Variants in TLR4 observed in about 807,000 individuals in gnomAD.
TLR4 encodes the protein toll-like receptor 4.
TLR4 carries 17 observed loss-of-function variants against 27.4 expected under a neutral mutation model. The ratio of observed to expected loss-of-function variants is 0.62; its 90% confidence interval spans 0.42 to 0.93. TLR4 has a LOEUF of 0.93. Ranked by LOEUF, TLR4 falls within the 40% of genes least tolerant of loss-of-function variation. The pLI is 0.00. For missense variants in TLR4, 926 were observed against 962.3 expected (o/e 0.96, Z 0.50); for synonymous variants, 363 against 365.7 (o/e 0.99, Z 0.08).
At position 117,715,339 on chromosome 9, in the gene TLR4, G is replaced by A. The variant is rs554306570; in HGVS notation, c.*691G>A. 1 of 152,302 alleles carries A rather than the reference G, an allele frequency of 6.6e-6. No homozygotes were observed. Among genetic ancestry groups the A allele is most frequent in the Non-Finnish European group, 1.5e-5 (1 of 68,100 alleles). 9.4% of individuals were successfully genotyped at this position (152,302 alleles called of 1,614,324 possible). Reference sequence around the variant, plus strand: ...ATAAGCTAATATCATAAATAAGGTTGTTTAAGACGTGCTTCAAATATCCAT... The same window carrying A: ...ATAAGCTAATATCATAAATAAGGTTATTTAAGACGTGCTTCAAATATCCAT... On this transcript the variant is annotated 3_prime_UTR_variant, in exon 3 of 3. Coordinates refer to ENST00000355622, the MANE Select transcript of TLR4 (RefSeq NM_138554.5).
In TLR4 at chr9:117,719,643, C is replaced by T. The variant is rs1196754835; in HGVS notation, c.*4995C>T. ...TAGATGATGGCCTTTCTTTGAACAA[C>T]ATGCCTAGGGTTGCTCTATCATGTC... On this transcript the variant is annotated 3_prime_UTR_variant, in exon 3 of 3. Transcript: ENST00000355622. The T allele has an allele frequency of 6.6e-6, 1 of 152,046 alleles. No individual in the cohort carries two copies. The highest frequency in any genetic ancestry group is 1.5e-5 in the Non-Finnish European group (1 of 68,024). 9.4% of individuals were successfully genotyped at this position (152,046 alleles called of 1,614,324 possible).
At chr9:117,707,553 C>T (rs1277556397) in intron 1 of TLR4, among the ~76,000 whole-genome samples, 2 of 152,126 alleles carry the variant, frequency 1.3e-5, no homozygotes, top group Non-Finnish European at 2.9e-5. Context: ...CTGGCTTCTG[C>T]AAGGAATTTT....
In TLR4 at chr9:117,705,794, T is replaced by C. The variant is rs115809387; in HGVS notation, c.93+1229T>C. On this transcript the variant is annotated intron_variant, in intron 1 of 2. Coordinates refer to ENST00000355622, the MANE Select transcript of TLR4 (RefSeq NM_138554.5). ...TTTCCTTAGGCTTCAATCTAACAAA[T>C]TACTCTCCTTAAAAACTTTTAATAA... Among the ~76,000 whole-genome samples, 999 of 152,302 alleles carry C rather than the reference T, an allele frequency of 6.6e-3. 6 individuals are homozygous for C. The highest frequency in any genetic ancestry group is 0.023 in the African/African-American group (942 of 41,554).
chr9:117,708,467 A>G, intron 1 of TLR4, 96 bp from the exon 2 acceptor site: 3 of 1,602,252 alleles, frequency 1.9e-6, no homozygotes, highest in East Asian at 2.3e-5. Context: ...TTGTGCTTGC[A>G]CAAAAAGAGG....
intron 2 of TLR4, among the ~76,000 whole-genome samples, chr9:117,711,650 G>C (rs540292836): frequency 1.3e-5 from 2 of 152,060 alleles, no homozygotes; most frequent in East Asian, 1.9e-4. Context: ...TGTGTTTGCT[G>C]TTCACTTCAC....
At chr9:117,711,513 A>G (rs1195550926) in intron 2 of TLR4, among the ~76,000 whole-genome samples, 3 of 152,118 alleles carry the variant, frequency 2.0e-5, no homozygotes, top group African/African-American at 7.2e-5. Flanking sequence ...CCTCTGCCTA[A>G]TTGGGAACCT....
chr9:117,712,808 G>A lies in TLR4; in HGVS notation c.680G>A (p.Arg227Lys). ...CAACCAGGTGCATTTAAAGAAATTA[G>A]GCTTCATAAGCTGACTTTAAGAAAT... is the stretch of plus-strand genomic sequence containing the variant. ...FIQPGAFKEI[R>K]LHKLTLRNNF... is the part of the protein sequence containing the mutation. Residue 227 changes from arginine to lysine, a missense_variant, in exon 3 of 3, where the codon AGG (arginine) becomes AAG (lysine). Arg to Lys is a conservative substitution (Grantham distance 26). Coordinates refer to ENST00000355622, the MANE Select transcript of TLR4 (RefSeq NM_138554.5). The A allele has an allele frequency of 6.2e-7, 1 of 1,613,928 alleles. No individual in the cohort carries two copies. The highest frequency in any genetic ancestry group is 1.7e-5 in the Admixed American group (1 of 59,984).
At chr9:117,709,644 A>G (rs941469424) in intron 2 of TLR4, among the ~76,000 whole-genome samples, 3 of 152,212 alleles carry the variant, frequency 2.0e-5, no homozygotes, top group Admixed American at 2.0e-4. Context: ...AAAACATTTC[A>G]AAACATTTTA....
Position 117,721,317 on chromosome 9 carries a change from A to G in TLR4, c.*6669A>G, listed in dbSNP as rs1829420636. ...ATTATTTAGTTTCCACTCATAAGTG[A>G]GAGCATGGATGGAACTGGAGAAGAG... On this transcript the variant is annotated 3_prime_UTR_variant, in exon 3 of 3. Transcript: ENST00000355622. 6.6e-6 allele frequency: 1 copy of G among 152,228 alleles called. No individual in the cohort carries two copies. Among genetic ancestry groups the G allele is most frequent in the African/African-American group, 2.4e-5 (1 of 41,436 alleles). 9.4% of individuals were successfully genotyped at this position (152,228 alleles called of 1,614,324 possible).
In TLR4 at chr9:117,719,494, TAAAC is replaced by T. The variant is rs1483358464; in HGVS notation, c.*4850_*4853del. 4 of 152,178 alleles carry T rather than the reference TAAAC, an allele frequency of 2.6e-5. No individual in the cohort carries two copies. The East Asian group carries it at 5.8e-4, about 22-fold the overall frequency. 9.4% of individuals were successfully genotyped at this position (152,178 alleles called of 1,614,324 possible). A position where few individuals can be genotyped will look rare whatever the true frequency, so the allele number is the denominator to read the frequency against. ...TCACCATTATAATTTTGACTGATAT[TAAAC>T]AAAGAGAAGTATTATTATTATTACT... On this transcript the variant is annotated 3_prime_UTR_variant, in exon 3 of 3. Transcript: ENST00000355622.
At position 117,712,679 on chromosome 9, in the gene TLR4, G is replaced by A; in HGVS notation, c.551G>A (p.Ser184Asn). 1 of 1,614,038 alleles carries A rather than the reference G, an allele frequency of 6.2e-7. No individual in the cohort carries two copies. Among genetic ancestry groups the A allele is most frequent in the Non-Finnish European group, 8.5e-7 (1 of 1,179,978 alleles). The change falls in exon 3 of 3, where the codon AGC (serine) becomes AAC (asparagine). Residue 184 changes from serine to asparagine, a missense_variant. Ser to Asn is a conservative substitution (Grantham distance 46). Transcript: ENST00000355622. ...LTNLEHLDLS[S>N]NKIQSIYCTD... ...AATCTAGAGCACTTGGACCTTTCCAGCAACAAGATTCAAAGTATTTATTGC... is the reference window on the plus strand; with the variant it reads ...AATCTAGAGCACTTGGACCTTTCCAACAACAAGATTCAAAGTATTTATTGC...
chr9:117,713,718 C>T lies in TLR4; in HGVS notation c.1590C>T (p.Asn530=), dbSNP rs1337019634. The change falls in exon 3 of 3, where the codon AAC becomes AAT. Residue 530 remains asparagine (N), a synonymous_variant. Transcript: ENST00000355622. Reference sequence around the variant, plus strand: ...TTCAGGTACTAAATATGAGCCACAACAACTTCTTTTCATTGGATACGTTTC... The same window carrying T: ...TTCAGGTACTAAATATGAGCCACAATAACTTCTTTTCATTGGATACGTTTC... ...SSLQVLNMSH[N]NFFSLDTFPY... The T allele has an allele frequency of 6.2e-7, 1 of 1,614,048 alleles. No individual in the cohort carries two copies. Among genetic ancestry groups the T allele is most frequent in the East Asian group, 2.2e-5 (1 of 44,870 alleles).
rs1052287447 is a variant in TLR4 at position 117,714,796 on chromosome 9, T to C, written c.*148T>C. On this transcript the variant is annotated 3_prime_UTR_variant, in exon 3 of 3. Transcript: ENST00000355622. ...TGCACTAGATATGCAGGGCTGCTAA[T>C]CTCAAGGAGCTTCCAGTGCAGAGGG... 6.8e-6 allele frequency: 5 copies of C among 736,738 alleles called. No individual in the cohort carries two copies. The highest frequency in any genetic ancestry group is 1.2e-5 in the Non-Finnish European group (5 of 425,254). The allele number at this position is 736,738 out of a possible 1,614,324, so 45.6% of individuals were successfully genotyped here. A position where few individuals can be genotyped will look rare whatever the true frequency, so the allele number is the denominator to read the frequency against.
rs1052554898 is a variant in TLR4 at position 117,724,673 on chromosome 9, T to C, written c.*10025T>C. Reference sequence around the variant, plus strand: ...GCTTAAAATGGGGATAATATCTACCTCTCAGTTTTGTTGGCAGTTCAGTAC... The same window carrying C: ...GCTTAAAATGGGGATAATATCTACCCCTCAGTTTTGTTGGCAGTTCAGTAC... On this transcript the variant is annotated 3_prime_UTR_variant, in exon 3 of 3. Coordinates refer to ENST00000355622, the MANE Select transcript of TLR4 (RefSeq NM_138554.5). 2 of 152,174 alleles carry C rather than the reference T, an allele frequency of 1.3e-5. No individual in the cohort carries two copies. The highest frequency in any genetic ancestry group is 4.8e-5 in the African/African-American group (2 of 41,424). The allele number at this position is 152,174 out of a possible 1,614,324, so 9.4% of individuals were successfully genotyped here. A position where few individuals can be genotyped will look rare whatever the true frequency, so the allele number is the denominator to read the frequency against.
rs2131181416 is a variant in TLR4, at chr9:117,722,072, A to G, written c.*7424A>G. The G allele has an allele frequency of 6.6e-6, 1 of 152,294 alleles. No individual in the cohort carries two copies. The highest frequency in any genetic ancestry group is 2.4e-5 in the African/African-American group (1 of 41,570). The allele number at this position is 152,294 out of a possible 1,614,324, so 9.4% of individuals were successfully genotyped here. ...CCTGGGTAGCTGAGACCCCACATAA[A>G]TATATACCAGAAAAATGTTGTGGTC... On this transcript the variant is annotated 3_prime_UTR_variant, in exon 3 of 3. Coordinates refer to ENST00000355622, the MANE Select transcript of TLR4 (RefSeq NM_138554.5).
At chr9:117,709,695 C>T (rs1564263988) in intron 2 of TLR4, among the ~76,000 whole-genome samples, 1 of 152,042 alleles carries the variant, frequency 6.6e-6, no homozygotes, top group Non-Finnish European at 1.5e-5. Flanking sequence ...AGACTAAGGT[C>T]ACAGTATAAA....
At position 117,713,974 on chromosome 9, in the gene TLR4, C is replaced by T. The variant is rs1056744559; in HGVS notation, c.1846C>T (p.Gln616Ter). The change falls in exon 3 of 3, where the codon CAG becomes TAG. Residue 616 changes from glutamine to a stop codon, truncating the protein, a stop_gained. Coordinates refer to ENST00000355622, the MANE Select transcript of TLR4 (RefSeq NM_138554.5). LOFTEE classifies it high-confidence loss of function. Reference sequence around the variant, plus strand: ...GGAATGTGCAACACCTTCAGATAAGCAGGGCATGCCTGTGCTGAGTTTGAA... The same window carrying T: ...GGAATGTGCAACACCTTCAGATAAGTAGGGCATGCCTGTGCTGAGTTTGAA... ...RMECATPSDK[Q>*]GMPVLSLNIT... The T allele has an allele frequency of 1.1e-5, 17 of 1,613,886 alleles. No individual in the cohort carries two copies. In the Admixed American group the frequency reaches 2.5e-4, roughly 24 times the overall value.
Position 117,714,726 on chromosome 9 carries a change from G to A in TLR4, c.*78G>A, listed in dbSNP as rs984300319. 6 of 1,246,946 alleles carry A rather than the reference G, an allele frequency of 4.8e-6. No individual in the cohort carries two copies. The highest frequency in any genetic ancestry group is 7.0e-6 in the Non-Finnish European group (6 of 862,364). 77.2% of individuals were successfully genotyped at this position (1,246,946 alleles called of 1,614,324 possible). On this transcript the variant is annotated 3_prime_UTR_variant, in exon 3 of 3. Transcript: ENST00000355622. ...CTTGTTCAGTTAATAAGTATTAAAT[G>A]CTGCCACATGTCAGGCCTTATGCTA...
rs770426514 is a variant in TLR4 at position 117,713,944 on chromosome 9, C to T, written c.1816C>T (p.Arg606Ter). The T allele has an allele frequency of 4.2e-5, 68 of 1,613,844 alleles. No homozygotes were observed. The Admixed American group carries it at 7.7e-4, about 18-fold the overall frequency. Residue 606 changes from arginine to a stop codon, truncating the protein, a stop_gained, in exon 3 of 3, where the codon CGA (arginine) becomes TGA (stop). Transcript: ENST00000355622. LOFTEE classifies it high-confidence loss of function. Reference protein sequence around the residue: ...DQRQLLVEVERMECATPSDKQ... With the variant: ...DQRQLLVEVE ...GAGGCAGCTCTTGGTGGAAGTTGAA[C>T]GAATGGAATGTGCAACACCTTCAGA... is the stretch of plus-strand genomic sequence containing the variant.
Sources: allele counts gnomAD v4.1 joint callset (sites outside exome capture counted in the v4.1 genomes callset), GRCh38; gene constraint gnomAD v4.1.1; transcripts MANE v1.5; gene names NCBI Gene and HGNC (gene_info 2026-07-23, HGNC 2026-07-21).